Variants in FRMD3 observed in about 807,000 individuals in gnomAD.
The protein encoded by FRMD3 is FERM domain-containing protein 3.
Under a neutral mutation model 70.2 loss-of-function variants are expected in FRMD3, and 33 were observed. The observed-to-expected ratio is 0.47, with a 90% CI of 0.36 to 0.63. The LOEUF (loss-of-function observed/expected upper bound fraction) is 0.63, where lower values mean the gene tolerates loss of function less well. Ranked by LOEUF, FRMD3 falls within the 20% of genes least tolerant of loss-of-function variation. The pLI, the probability that FRMD3 is intolerant of heterozygous loss-of-function variation, is 0.00. For synonymous variants in FRMD3, 279 were observed against 255.9 expected, an observed-to-expected ratio of 1.09 and a Z score of -0.86; for missense variants, 632 against 711.4, an observed-to-expected ratio of 0.89 and a Z score of 1.27.
chr9:83,544,965 T>C, the FRMD3 span, among the ~76,000 whole-genome samples: 14 of 151,850 alleles, frequency 9.2e-5, 1 homozygote, highest in Non-Finnish European at 1.8e-4. Context: ...TCCAGCAGCA[T>C]GAAAAAAAGA....
At chr9:83,336,667 T>A (rs1467151467) in intron 5 of FRMD3, among the ~76,000 whole-genome samples, 1 of 147,270 alleles carries the variant, frequency 6.8e-6, no homozygotes, top group Non-Finnish European at 1.5e-5. Context: ...AAAAATAAAA[T>A]CCTAAGCCCC....
chr9:83,368,066 G>C (rs547930591), intron 3 of FRMD3, among the ~76,000 whole-genome samples: 1 of 152,240 alleles, frequency 6.6e-6, no homozygotes, highest in African/African-American at 2.4e-5. Context: ...AGTAAAAGCT[G>C]ATCTCAAAAA....
At chr9:83,447,690 T>C (rs1483592695) in intron 1 of FRMD3, among the ~76,000 whole-genome samples, 1 of 151,970 alleles carries the variant, frequency 6.6e-6, no homozygotes, top group African/African-American at 2.4e-5. Flanking sequence ...CCATCGGCAA[T>C]GGAGGAGACC....
At chr9:83,492,439 G>A (rs752760920) in intron 1 of FRMD3, among the ~76,000 whole-genome samples, 103 of 152,182 alleles carry the variant, frequency 6.8e-4, no homozygotes, top group Non-Finnish European at 1.3e-3. Flanking sequence ...GGCCCCAAAT[G>A]TACTGCATCA....
intron 1 of FRMD3, among the ~76,000 whole-genome samples, chr9:83,400,303 C>T (rs763548319): frequency 2.0e-5 from 3 of 152,066 alleles, no homozygotes; most frequent in Non-Finnish European, 4.4e-5. Context: ...TATATTAGCA[C>T]CCCAAAAAAT....
At chr9:83,306,489 A>AC (rs1302913953) in intron 10 of FRMD3, among the ~76,000 whole-genome samples, 12 of 152,080 alleles carry the variant, frequency 7.9e-5, no homozygotes, top group African/African-American at 2.9e-4. Flanking sequence ...CTGCCATGGT[A>AC]CCCTACGGGA....
the FRMD3 span, among the ~76,000 whole-genome samples, chr9:83,575,378 G>T: frequency 1.3e-5 from 2 of 152,054 alleles, no homozygotes; most frequent in African/African-American, 4.8e-5. Context: ...CTATTTTTCA[G>T]GCAACATGAT....
intron 6 of FRMD3, among the ~76,000 whole-genome samples, chr9:83,334,887 C>T (rs1483809238): frequency 6.6e-6 from 1 of 152,184 alleles, no homozygotes; most frequent in East Asian, 1.9e-4. Flanking sequence ...GTTCCCTCAT[C>T]TGTAATATGA....
intron 13 of FRMD3, among the ~76,000 whole-genome samples, chr9:83,281,327 G>A (rs549538203): frequency 1.3e-5 from 2 of 152,292 alleles, no homozygotes; most frequent in Admixed American, 6.5e-5. Context: ...GGGAAGTAGT[G>A]AGAGTGTCTA....
the FRMD3 span, among the ~76,000 whole-genome samples, chr9:83,565,650 G>T: frequency 1.3e-5 from 2 of 152,352 alleles, no homozygotes; most frequent in East Asian, 3.9e-4. Flanking sequence ...TTCAATGTCT[G>T]CCTGGTGACT....
the FRMD3 span, among the ~76,000 whole-genome samples, chr9:83,560,633 C>T: frequency 6.6e-6 from 1 of 152,230 alleles, no homozygotes; most frequent in East Asian, 1.9e-4. Context: ...ATTACACTCA[C>T]ACCAATTAAG....
In FRMD3 at chr9:83,478,452, A is replaced by T. The variant is rs868587022; in HGVS notation, c.147+59633T>A. Among the ~76,000 whole-genome samples the T allele has an allele frequency of 3.3e-5, 5 of 152,236 alleles. No homozygotes were observed. In the South Asian group the frequency reaches 1.0e-3, roughly 31 times the overall value. ...AAATGCAAATCAAAACCATAATGAGATACCACTTCACCCCATTAGGATAGC... is the reference window on the plus strand; with the variant it reads ...AAATGCAAATCAAAACCATAATGAGTTACCACTTCACCCCATTAGGATAGC... On this transcript the variant is annotated intron_variant, in intron 1 of 13. Coordinates refer to ENST00000304195, the MANE Select transcript of FRMD3 (RefSeq NM_174938.6).
intron 1 of FRMD3, among the ~76,000 whole-genome samples, chr9:83,533,928 A>G (rs1394129477): frequency 1.3e-5 from 2 of 152,202 alleles, no homozygotes; most frequent in African/African-American, 4.8e-5. Context: ...ATGTAACCCA[A>G]AAAAGTCAGT....
intron 2 of FRMD3, among the ~76,000 whole-genome samples, chr9:83,377,416 G>A (rs1203463767): frequency 6.6e-6 from 1 of 152,034 alleles, no homozygotes; most frequent in Non-Finnish European, 1.5e-5. Flanking sequence ...TACATGTACT[G>A]GTGCAAGATA....
chr9:83,339,298 G>T (rs1188228394), intron 5 of FRMD3, among the ~76,000 whole-genome samples: 3 of 152,062 alleles, frequency 2.0e-5, no homozygotes, highest in Admixed American at 6.6e-5. Flanking sequence ...CAGAAGGCAG[G>T]TTTTTTAAAA....
the FRMD3 span, among the ~76,000 whole-genome samples, chr9:83,547,775 G>T: frequency 6.6e-6 from 1 of 152,046 alleles, no homozygotes; most frequent in African/African-American, 2.4e-5. Context: ...CTTCAAAATA[G>T]ACCATACTTT....
chr9:83,416,900 C>G (rs532703117), intron 1 of FRMD3, among the ~76,000 whole-genome samples: 1 of 152,036 alleles, frequency 6.6e-6, no homozygotes, highest in African/African-American at 2.4e-5. Context: ...CTAAGCCAGT[C>G]ATCTCAACAG....
chr9:83,560,009 C>T, the FRMD3 span, among the ~76,000 whole-genome samples: 1 of 152,134 alleles, frequency 6.6e-6, no homozygotes, highest in Non-Finnish European at 1.5e-5. Flanking sequence ...TCCCCGTGTG[C>T]TTTACACATT....
chr9:83,295,727 T>C (rs11140009), intron 12 of FRMD3, among the ~76,000 whole-genome samples: 33,095 of 152,088 alleles, frequency 0.22, 3,754 homozygotes, highest in African/African-American at 0.27. Flanking sequence ...GAGTGTCTGC[T>C]GTGGTGGCTG....
Sources: allele counts gnomAD v4.1 joint callset (sites outside exome capture counted in the v4.1 genomes callset), GRCh38; gene constraint gnomAD v4.1.1; transcripts MANE v1.5; gene names NCBI Gene and HGNC (gene_info 2026-07-23, HGNC 2026-07-21).